TLDC2: variants seen among roughly 807,000 people sequenced by gnomAD.
TLDC2 encodes the protein TBC/LysM-associated domain containing 2.
TLDC2 carries 23 observed loss-of-function variants against 27.9 expected under a neutral mutation model. The ratio of observed to expected loss-of-function variants is 0.82; its 90% confidence interval spans 0.59 to 1.17. The LOEUF (loss-of-function observed/expected upper bound fraction) is 1.17. TLDC2 is among the 50% of genes most tolerant of loss of function. The pLI is 0.00. For synonymous variants in TLDC2, 124 were observed against 107.4 expected (o/e 1.16, Z -0.96); for missense variants, 286 against 273.4 (o/e 1.05, Z -0.32).
At chr20:36,880,304 GAT>G (rs1989785363) in intron 3 of TLDC2, among the ~76,000 whole-genome samples, 1 of 151,610 alleles carries the variant, frequency 6.6e-6, no homozygotes, top group South Asian at 2.1e-4. Flanking sequence ...AAGTTGGCCA[GAT>G]TGGTCTTGAA....
intron 3 of TLDC2, 134 bp from the exon 4 acceptor site, chr20:36,880,521 C>T (rs1989789648): frequency 1.5e-5 from 10 of 652,952 alleles, no homozygotes; most frequent in South Asian, 1.9e-5. Flanking sequence ...GGTGTGGAGC[C>T]CCCATGCCCC....
intron 6 of TLDC2, chr20:36,890,398 C>CTTTCTT (rs1990036701): frequency 6.9e-6 from 1 of 145,742 alleles, no homozygotes; most frequent in Non-Finnish European, 1.5e-5. Flanking sequence ...ATTTCTTTCT[C>CTTTCTT]TTTCTTTCTT....
intron 4 of TLDC2, among the ~76,000 whole-genome samples, chr20:36,884,838 C>A (rs1246681469): frequency 6.6e-6 from 1 of 151,122 alleles, no homozygotes; most frequent in African/African-American, 2.4e-5. Flanking sequence ...TAGTGTCCTT[C>A]TCCCCCTAGC....
At chr20:36,889,077 T>C (rs1989993666) in intron 5 of TLDC2, among the ~76,000 whole-genome samples, 174 bp from the exon 6 acceptor site, 1 of 152,180 alleles carries the variant, frequency 6.6e-6, no homozygotes, top group South Asian at 2.1e-4. Flanking sequence ...CTTAACCCCA[T>C]GGGGAACAAT....
chr20:36,880,738 C>T lies in TLDC2; in HGVS notation c.426C>T (p.Ser142=). Residue 142 remains serine (S), a synonymous_variant, in exon 4 of 7, where the codon TCC becomes TCT. Coordinates refer to ENST00000217320, the MANE Select transcript of TLDC2 (RefSeq NM_080628.3). ...GCGAGACATTCCTCTTCTCCTTCTC[C>T]CCACAGCTGAAGGTGATGTTCCCAA... The part of the protein sequence containing the change: ...GTGETFLFSF[S]PQLKVFKWTG... 6.2e-7 allele frequency: 1 copy of T among 1,614,170 alleles called. No individual in the cohort carries two copies. Among genetic ancestry groups the T allele is most frequent in the South Asian group, 1.1e-5 (1 of 91,088 alleles).
rs149285952 is a variant in TLDC2 at position 36,883,859 on chromosome 20, C to T, written c.438+3109C>T. Among the ~76,000 whole-genome samples, 568 of 152,192 alleles carry T rather than the reference C, an allele frequency of 3.7e-3. 4 individuals carry two copies. Among genetic ancestry groups the T allele is most frequent in the African/African-American group, 0.013 (544 of 41,530 alleles). ...CTGTAATCCCAGCACTTTGGGAGGC[C>T]GAGGCAGGTAGATCACTTGAGGTCA... On this transcript the variant is annotated intron_variant, in intron 4 of 6. Coordinates refer to ENST00000217320, the MANE Select transcript of TLDC2 (RefSeq NM_080628.3).
intron 4 of TLDC2, among the ~76,000 whole-genome samples, chr20:36,884,843 C>T (rs1022004025): frequency 6.6e-6 from 1 of 151,510 alleles, no homozygotes; most frequent in Admixed American, 6.6e-5. Context: ...TCCTTCTCCC[C>T]CTAGCGTTTG....
intron 6 of TLDC2, chr20:36,892,647 A>G: frequency 2.4e-6 from 1 of 423,586 alleles, no homozygotes; most frequent in Non-Finnish European, 4.3e-6. Context: ...AAAAAAATAG[A>G]GTTCAGAATA....
chr20:36,893,989 G>A lies in TLDC2; in HGVS notation c.*1145G>A, dbSNP rs140706805. 6.3e-4 allele frequency: 251 copies of A among 398,498 alleles called. 1 individual carries two copies. Among genetic ancestry groups the A allele is most frequent in the African/African-American group, 4.4e-3 (213 of 48,726 alleles). The allele number at this position is 398,498 out of a possible 1,614,324, so 24.7% of individuals were successfully genotyped here. A position where few individuals can be genotyped will look rare whatever the true frequency, so the allele number is the denominator to read the frequency against. The stretch of plus-strand genomic sequence containing the variant: ...TTTCTCTCCCTACCTCCTCTGGCAC[G>A]AGCGGCAGTGGCAGTGACTATTCTG... On this transcript the variant is annotated 3_prime_UTR_variant, in exon 7 of 7. Transcript: ENST00000217320.
intron 4 of TLDC2, 118 bp from the exon 5 acceptor site, chr20:36,887,337 C>T: frequency 8.0e-6 from 7 of 871,672 alleles, no homozygotes; most frequent in East Asian, 2.4e-5. Context: ...ACCTGCGGCT[C>T]GGTTGGGGCC....
At chr20:36,881,805 G>T (rs1324056069) in intron 4 of TLDC2, among the ~76,000 whole-genome samples, 4 of 152,206 alleles carry the variant, frequency 2.6e-5, no homozygotes, top group Non-Finnish European at 4.4e-5. Context: ...GACATCAAAG[G>T]CTTGGAGCAG....
chr20:36,880,075 A>ATATATATATATATGTG (rs1447035781), intron 3 of TLDC2, among the ~76,000 whole-genome samples: 3 of 39,990 alleles, frequency 7.5e-5, no homozygotes, highest in South Asian at 1.3e-3. Context: ...ATATACATAT[A>ATATATATATATATGTG]TATATATATA....
At chr20:36,878,936 G>A (rs1468422868) in intron 2 of TLDC2, 105 bp from the exon 3 acceptor site, 2 of 1,549,350 alleles carry the variant, frequency 1.3e-6, no homozygotes, top group African/African-American at 2.7e-5. Context: ...TCTATCGCCT[G>A]TAAAGCACTG....
intron 4 of TLDC2, among the ~76,000 whole-genome samples, chr20:36,886,445 T>A (rs1989922736): frequency 6.6e-6 from 1 of 152,108 alleles, no homozygotes; most frequent in African/African-American, 2.4e-5. Flanking sequence ...TACAAAAAGT[T>A]AGCCGGGCGT....
At position 36,887,510 on chromosome 20, in the gene TLDC2, T is replaced by C; in HGVS notation, c.494T>C (p.Leu165Pro). ...TTTGTGAAGGGAGACTTGGATTCAC[T>C]GATGATGGGCAGTGGCAGGTGAGTG... ...SFFVKGDLDS[L>P]MMGSGSGRFG... The change falls in exon 5 of 7, where the codon CTG becomes CCG. Residue 165 changes from leucine to proline, a missense_variant. Leu to Pro is a moderately conservative substitution (Grantham distance 98). Coordinates refer to ENST00000217320, the MANE Select transcript of TLDC2 (RefSeq NM_080628.3). 2 of 1,614,144 alleles carry C rather than the reference T, an allele frequency of 1.2e-6. No homozygotes were observed. The highest frequency in any genetic ancestry group is 1.7e-6 in the Non-Finnish European group (2 of 1,179,968).
At chr20:36,876,376 G>A (rs1015344887) in intron 1 of TLDC2, among the ~76,000 whole-genome samples, 169 bp downstream of exon 1, 1 of 152,142 alleles carries the variant, frequency 6.6e-6, no homozygotes, top group Admixed American at 6.5e-5. Context: ...CAGGAACATG[G>A]GGTCTTAACA....
chr20:36,877,752 C>T (rs372474410), intron 1 of TLDC2, 147 bp from the exon 2 acceptor site: 2 of 928,750 alleles, frequency 2.2e-6, no homozygotes, highest in South Asian at 1.7e-5. Context: ...GTCGTGGAAA[C>T]CCCCAACTAC....
chr20:36,888,093 G>C (rs1989964195), intron 5 of TLDC2, among the ~76,000 whole-genome samples: 1 of 152,146 alleles, frequency 6.6e-6, no homozygotes, highest in Non-Finnish European at 1.5e-5. Flanking sequence ...GAACACATCA[G>C]CCATTGCTGA....
rs759602473 is a variant in TLDC2 at position 36,880,731 on chromosome 20, CCTT to C, written c.422_424del (p.Phe141del). The C allele has an allele frequency of 2.1e-5, 34 of 1,612,696 alleles. No individual in the cohort carries two copies. Among genetic ancestry groups the C allele is most frequent in the Admixed American group, 3.3e-5 (2 of 59,960 alleles). ...GGTACTGGCGAGACATTCCTCTTCT[CCTT>C]CTCCCCACAGCTGAAGGTGATGTTC... On this transcript the variant is annotated inframe_deletion, in exon 4 of 7. Transcript: ENST00000217320.
Sources: allele counts gnomAD v4.1 joint callset (sites outside exome capture counted in the v4.1 genomes callset), GRCh38; gene constraint gnomAD v4.1.1; transcripts MANE v1.5; gene names NCBI Gene and HGNC (gene_info 2026-07-23, HGNC 2026-07-21).